The following CASK variants were observed in gnomAD, a reference collection of about 807,000 sequenced individuals.
CASK encodes the protein peripheral plasma membrane protein CASK.
In CASK, 4 loss-of-function variants were observed where a neutral mutation model predicts 82.9. The ratio of observed to expected loss-of-function variants is 0.05; its 90% CI spans 0.02 to 0.11. The LOEUF is 0.11. Among genes scored for constraint, CASK ranks in the 10% least tolerant of loss-of-function variants. The pLI, the probability that CASK is intolerant of heterozygous loss-of-function variation, is 1.00. For missense variants in CASK, 358 were observed against 720.9 expected (o/e 0.50, Z 5.76); for synonymous variants, 259 against 253.5 (o/e 1.02, Z -0.20).
At position 41,806,390 on chromosome X, in the gene CASK, A is replaced by AT. The variant is rs1165700002; in HGVS notation, c.173-19108dup. ...AACAGAAACAATAGATGGCAAAAAA[A>AT]TTTTTACTCTGTTCTCTAAAAAGGA... is the stretch of plus-strand genomic sequence containing the variant. On this transcript the variant is annotated intron_variant, in intron 2 of 26. Transcript: ENST00000378163. Among the ~76,000 whole-genome samples the AT allele has an allele frequency of 3.6e-5, 4 of 112,300 alleles. No individual in the cohort carries two copies. The Middle Eastern group carries it at 0.014, about 385-fold the overall frequency.
chrX:41,688,685 A>C (rs2067486721), intron 5 of CASK, among the ~76,000 whole-genome samples: 1 of 111,970 alleles, frequency 8.9e-6, no homozygotes, highest in Admixed American at 9.5e-5. Flanking sequence ...ATTTCTTACA[A>C]AACACAGAAA....
chrX:41,812,444 A>C lies in CASK; in HGVS notation c.173-25161T>G, dbSNP rs1401690263. The stretch of plus-strand genomic sequence containing the variant: ...TGCAAGGCTGGTTCAACATATCCAA[A>C]TCAATAAATGTAATCCATCATATAA... On this transcript the variant is annotated intron_variant, in intron 2 of 26. Coordinates refer to ENST00000378163, the MANE Select transcript of CASK (RefSeq NM_001367721.1). 8.9e-5 allele frequency among the ~76,000 whole-genome samples: 10 copies of C among 111,896 alleles called. No homozygotes were observed. The East Asian group carries it at 2.5e-3, about 28-fold the overall frequency.
intron 20 of CASK, among the ~76,000 whole-genome samples, chrX:41,554,907 T>C (rs907282475): frequency 3.8e-4 from 43 of 112,285 alleles, no homozygotes; most frequent in African/African-American, 1.2e-3. Flanking sequence ...TGAATATTAA[T>C]GTTTAAGTCA....
At chrX:41,689,533 T>C (rs977796574) in intron 5 of CASK, among the ~76,000 whole-genome samples, 2 of 111,838 alleles carry the variant, frequency 1.8e-5, no homozygotes, top group African/African-American at 6.5e-5. Flanking sequence ...TTTTATAGTA[T>C]TACCAGACCA....
chrX:41,882,986 A>G (rs192056618), intron 1 of CASK, among the ~76,000 whole-genome samples: 1 of 112,048 alleles, frequency 8.9e-6, no homozygotes, highest in African/African-American at 3.2e-5. Flanking sequence ...GAATATACCT[A>G]TATCAAGGAA....
In CASK at chrX:41,536,547, C is replaced by T. The variant is rs184188612; in HGVS notation, c.2156-1574G>A. ...ATCACTTAAAATGCAAAATAAGATA[C>T]TTGGGAATAGAATAGAACAGAAACA... is the stretch of plus-strand genomic sequence containing the variant. On this transcript the variant is annotated intron_variant, in intron 22 of 26. Transcript: ENST00000378163. 3.4e-3 allele frequency among the ~76,000 whole-genome samples: 377 copies of T among 111,588 alleles called. 2 individuals are homozygous for T. The highest frequency in any genetic ancestry group is 9.3e-3 in the Middle Eastern group (2 of 215).
At chrX:41,897,317 G>T in intron 1 of CASK, among the ~76,000 whole-genome samples, 1 of 111,904 alleles carries the variant, frequency 8.9e-6, no homozygotes, top group Non-Finnish European at 1.9e-5. Flanking sequence ...ATCATGAAAA[G>T]ATTTTGAATT....
At chrX:41,806,974 CAT>C (rs1420252748) in intron 2 of CASK, among the ~76,000 whole-genome samples, 10 of 111,256 alleles carry the variant, frequency 9.0e-5, no homozygotes, top group Non-Finnish European at 1.9e-4. Flanking sequence ...AAATGTTTTA[CAT>C]GATTATAAAA....
Position 41,578,322 on chromosome X carries a change from C to G in CASK, c.1503+18G>C, listed in dbSNP as rs749424020. On this transcript the variant is annotated intron_variant, in intron 15 of 26. Coordinates refer to ENST00000378163, the MANE Select transcript of CASK (RefSeq NM_001367721.1). Reference sequence around the variant, plus strand: ...TGGGATCTTATGAGAGTATTGAAAACTTTCTCTTCCTACTTACCATTGGTT... The same window carrying G: ...TGGGATCTTATGAGAGTATTGAAAAGTTTCTCTTCCTACTTACCATTGGTT... 3.4e-6 allele frequency: 4 copies of G among 1,169,983 alleles called. No homozygotes were observed. The highest frequency in any genetic ancestry group is 4.4e-5 in the Admixed American group (2 of 45,740).
At chrX:41,922,573 T>C (rs1387982675) in intron 1 of CASK, among the ~76,000 whole-genome samples, 1 of 112,439 alleles carries the variant, frequency 8.9e-6, no homozygotes, top group Non-Finnish European at 1.9e-5. Context: ...CAAGCTGCTC[T>C]GTTTCAAAAA....
intron 3 of CASK, among the ~76,000 whole-genome samples, chrX:41,784,118 T>G (rs1339487034): frequency 8.9e-6 from 1 of 111,793 alleles, no homozygotes; most frequent in Non-Finnish European, 1.9e-5. Flanking sequence ...TAAACAAGTC[T>G]GTGGTCTGCG....
At position 41,784,200 on chromosome X, in the gene CASK, C is replaced by T. The variant is rs190008148; in HGVS notation, c.278+2978G>A. Among the ~76,000 whole-genome samples, 228 of 112,062 alleles carry T rather than the reference C, an allele frequency of 2.0e-3. 1 individual carries two copies. Among genetic ancestry groups the T allele is most frequent in the African/African-American group, 7.0e-3 (217 of 30,905 alleles). ...TCCAGTTACCCATCCAAAAGGCAAA[C>T]TACTCCTCCAACCCAAAAAGCCTAA... On this transcript the variant is annotated intron_variant, in intron 3 of 26. Coordinates refer to ENST00000378163, the MANE Select transcript of CASK (RefSeq NM_001367721.1).
At chrX:41,749,779 T>C (rs754072711) in intron 3 of CASK, among the ~76,000 whole-genome samples, 3 of 111,619 alleles carry the variant, frequency 2.7e-5, no homozygotes, top group Admixed American at 9.6e-5. Flanking sequence ...TTGATTCAGA[T>C]GGTAAATGTA....
chrX:41,548,835 T>C (rs2065057010), intron 21 of CASK, among the ~76,000 whole-genome samples: 1 of 112,187 alleles, frequency 8.9e-6, no homozygotes, highest in South Asian at 3.6e-4. Flanking sequence ...AAAACAAAAA[T>C]ACAGGTTCCC....
At chrX:41,822,913 C>T (rs990165941) in intron 2 of CASK, among the ~76,000 whole-genome samples, 1 of 109,657 alleles carries the variant, frequency 9.1e-6, no homozygotes, top group African/African-American at 3.3e-5. Context: ...ACTTCTCACT[C>T]TAGCACAATC....
chrX:41,702,062 C>T, intron 5 of CASK, among the ~76,000 whole-genome samples: 1 of 97,930 alleles, frequency 1.0e-5, no homozygotes, highest in East Asian at 3.4e-4. Context: ...TTTCTGCTTA[C>T]CACTCATCAA....
chrX:41,530,954 T>C (rs2064793689), intron 25 of CASK, 53 bp downstream of exon 25: 1 of 1,042,276 alleles, frequency 9.6e-7, no homozygotes, highest in Non-Finnish European at 1.3e-6. Flanking sequence ...TCAGAATCTG[T>C]GCTTATTGGC....
chrX:41,561,200 A>G (rs1432000818), intron 17 of CASK, among the ~76,000 whole-genome samples: 1 of 111,446 alleles, frequency 9.0e-6, no homozygotes, highest in Non-Finnish European at 1.9e-5. Context: ...CTCAACAGGA[A>G]AGAGGTTTCT....
At chrX:41,831,368 T>C (rs1372584319) in intron 2 of CASK, among the ~76,000 whole-genome samples, 2 of 112,282 alleles carry the variant, frequency 1.8e-5, no homozygotes, top group African/African-American at 3.2e-5. Context: ...TAATCTTCAG[T>C]TGCAAAATGT....
Sources: gnomAD v4.1 joint callset for allele counts (sites outside exome capture counted in the v4.1 genomes callset) on GRCh38, gnomAD v4.1.1 for gene constraint, MANE v1.5 for transcripts, NCBI Gene and HGNC (gene_info 2026-07-23, HGNC 2026-07-21) for gene names.